Variants in FHIT observed in about 807,000 individuals in gnomAD.
FHIT encodes fragile histidine triad diadenosine triphosphatase.
Under a neutral mutation model 17.9 loss-of-function variants are expected in FHIT, and 19 were observed. The observed-to-expected ratio is 1.06, with a 90% CI of 0.74 to 1.56. The LOEUF (loss-of-function observed/expected upper bound fraction) is 1.56, where lower values mean the gene tolerates loss of function less well. FHIT is among the 40% of genes most tolerant of loss of function. FHIT has a pLI of 0.00. For synonymous variants in FHIT, 81 were observed against 69.7 expected, an observed-to-expected ratio of 1.16 and a Z score of -0.81; for missense variants, 248 against 189.2, an observed-to-expected ratio of 1.31 and a Z score of -1.82.
At chr3:61,018,354 C>T (rs2032228589) in intron 3 of FHIT, among the ~76,000 whole-genome samples, 2 of 152,202 alleles carry the variant, frequency 1.3e-5, no homozygotes, top group Admixed American at 6.5e-5. Context: ...AGAACCTTCA[C>T]TTCTGAGCAA....
Position 60,263,686 on chromosome 3 carries a change from T to C in FHIT, c.104-249534A>G, listed in dbSNP as rs932318260. Among the ~76,000 whole-genome samples the C allele has an allele frequency of 3.3e-5, 5 of 152,070 alleles. No homozygotes were observed. The South Asian group carries it at 1.0e-3, about 32-fold the overall frequency. ...CAGGGGTGGTAGAGAGGAGGTGGAA[T>C]GCAAAACTGTGGAAGAAACTTATTG... On this transcript the variant is annotated intron_variant, in intron 5 of 9. Coordinates refer to ENST00000492590, the MANE Select transcript of FHIT (RefSeq NM_002012.4).
chr3:60,077,144 C>T (rs539363213), intron 5 of FHIT, among the ~76,000 whole-genome samples: 4 of 152,068 alleles, frequency 2.6e-5, no homozygotes, highest in South Asian at 2.1e-4. Context: ...CATTCAAGGA[C>T]TCTGAAGTAT....
At chr3:61,028,228 C>T (rs1035210919) in intron 3 of FHIT, among the ~76,000 whole-genome samples, 9 of 152,122 alleles carry the variant, frequency 5.9e-5, no homozygotes, top group African/African-American at 1.4e-4. Flanking sequence ...TCTATGGAAA[C>T]GCAACTTAGG....
chr3:59,907,634 G>A (rs1450878948), intron 8 of FHIT, among the ~76,000 whole-genome samples: 1 of 152,218 alleles, frequency 6.6e-6, no homozygotes, highest in African/African-American at 2.4e-5. Context: ...GGGGCAGGGT[G>A]TGCTCTACCC....
chr3:60,586,835 C>T (rs782011688), intron 4 of FHIT, among the ~76,000 whole-genome samples: 4 of 151,810 alleles, frequency 2.6e-5, no homozygotes, highest in African/African-American at 7.3e-5. Flanking sequence ...GACAATGGGA[C>T]CTGCTTGAGG....
intron 5 of FHIT, among the ~76,000 whole-genome samples, chr3:60,521,387 A>T (rs1319221082): frequency 6.6e-6 from 1 of 152,038 alleles, no homozygotes; most frequent in East Asian, 1.9e-4. Flanking sequence ...AGCTGGGACT[A>T]CAGGCGCCCG....
intron 5 of FHIT, among the ~76,000 whole-genome samples, chr3:60,357,481 G>T (rs939160051): frequency 6.6e-6 from 1 of 152,066 alleles, no homozygotes; most frequent in African/African-American, 2.4e-5. Flanking sequence ...CCAACTTCAG[G>T]TGATCCACCT....
chr3:60,990,286 G>A (rs1332315972), intron 3 of FHIT, among the ~76,000 whole-genome samples: 5 of 152,170 alleles, frequency 3.3e-5, no homozygotes, highest in Non-Finnish European at 7.3e-5. Flanking sequence ...ACAGAAATTG[G>A]TCTGCAGCCT....
At chr3:60,525,376 C>T (rs948710065) in intron 5 of FHIT, among the ~76,000 whole-genome samples, 84 of 152,268 alleles carry the variant, frequency 5.5e-4, no homozygotes, top group African/African-American at 2.0e-3. Context: ...ATCTAATATA[C>T]ACAAGATTCT....
chr3:60,297,842 A>G (rs1372948960), intron 5 of FHIT, among the ~76,000 whole-genome samples: 2 of 152,054 alleles, frequency 1.3e-5, no homozygotes, highest in African/African-American at 2.4e-5. Context: ...CAGATCCAAC[A>G]GGTTAGGGGT....
At chr3:60,204,927 A>G in intron 5 of FHIT, among the ~76,000 whole-genome samples, 1 of 151,928 alleles carries the variant, frequency 6.6e-6, no homozygotes, top group East Asian at 1.9e-4. Flanking sequence ...CCCCATTTCT[A>G]CCAAAAAAAA....
intron 5 of FHIT, among the ~76,000 whole-genome samples, chr3:60,049,573 T>C (rs1329683596): frequency 6.6e-6 from 1 of 152,140 alleles, no homozygotes; most frequent in Non-Finnish European, 1.5e-5. Flanking sequence ...CTGAAAATAG[T>C]ACAAAATAGG....
intron 4 of FHIT, among the ~76,000 whole-genome samples, chr3:60,705,174 C>A (rs2041343055): frequency 6.6e-6 from 1 of 152,010 alleles, no homozygotes; most frequent in Admixed American, 6.6e-5. Flanking sequence ...CACTGCATTA[C>A]AATTTTCAAA....
intron 4 of FHIT, among the ~76,000 whole-genome samples, chr3:60,650,124 T>C (rs995819614): frequency 6.6e-6 from 1 of 152,242 alleles, no homozygotes; most frequent in Non-Finnish European, 1.5e-5. Context: ...GTCTGTCTTC[T>C]ATTTTGGGCT....
chr3:59,949,005 G>A (rs1258461971), intron 7 of FHIT, among the ~76,000 whole-genome samples: 2 of 152,126 alleles, frequency 1.3e-5, no homozygotes, highest in Non-Finnish European at 2.9e-5. Context: ...AGTGAGCATA[G>A]GACCCAATAG....
intron 8 of FHIT, among the ~76,000 whole-genome samples, chr3:59,911,729 G>C (rs746523246): frequency 1.3e-5 from 2 of 152,168 alleles, no homozygotes; most frequent in Non-Finnish European, 2.9e-5. Flanking sequence ...CTCAGGGGGA[G>C]GTTTTGACAG....
At chr3:60,110,518 C>T (rs1302903022) in intron 5 of FHIT, among the ~76,000 whole-genome samples, 2 of 152,126 alleles carry the variant, frequency 1.3e-5, no homozygotes, top group East Asian at 1.9e-4. Context: ...TGATGTAAAA[C>T]AGGTGTGATT....
chr3:60,396,547 A>G (rs1553762661), intron 5 of FHIT, among the ~76,000 whole-genome samples: 1 of 151,956 alleles, frequency 6.6e-6, no homozygotes, highest in Non-Finnish European at 1.5e-5. Flanking sequence ...AGACACAAAA[A>G]GTTAATATAT....
chr3:61,186,488 C>T (rs1360186836), intron 2 of FHIT, among the ~76,000 whole-genome samples: 2 of 152,262 alleles, frequency 1.3e-5, no homozygotes, highest in Non-Finnish European at 2.9e-5. Flanking sequence ...GGGAGTTGCA[C>T]GGGTAGCCAT....
Sources: allele counts gnomAD v4.1 joint callset (sites outside exome capture counted in the v4.1 genomes callset), GRCh38; gene constraint gnomAD v4.1.1; transcripts MANE v1.5; gene names NCBI Gene and HGNC (gene_info 2026-07-23, HGNC 2026-07-21).